MUC5B: variants seen among roughly 807,000 people sequenced by gnomAD.
MUC5B encodes the protein mucin 5B, oligomeric mucus/gel-forming.
MUC5B carries 116 observed loss-of-function variants against 376.9 expected under a neutral mutation model. That is an observed-to-expected ratio of 0.31 (90% CI 0.26 to 0.36). The LOEUF is 0.36. Among genes scored for constraint, MUC5B ranks in the 10% least tolerant of loss-of-function variants. MUC5B has a pLI of 1.00. For missense variants in MUC5B, 7,165 were observed against 7,769.9 expected, an observed-to-expected ratio of 0.92 and a Z score of 2.93; for synonymous variants, 3,517 against 3,390.9, an observed-to-expected ratio of 1.04 and a Z score of -1.29.
intron 2 of MUC5B, 94 bp downstream of exon 2, chr11:1,225,831 T>C (rs1315814736): frequency 4.0e-6 from 5 of 1,247,068 alleles, no homozygotes; most frequent in African/African-American, 1.5e-5. Flanking sequence ...CAAGCAGCCA[T>C]GCGTCTGACA....
intron 7 of MUC5B, among the ~76,000 whole-genome samples, chr11:1,228,362 G>C (rs571569414): frequency 4.6e-5 from 7 of 152,328 alleles, no homozygotes; most frequent in Middle Eastern, 6.8e-3. Flanking sequence ...ATCCGGAGTA[G>C]GGGATCCCCG....
Position 1,246,926 on chromosome 11 carries a change from C to G in MUC5B, c.10046C>G (p.Pro3349Arg). 1.9e-6 allele frequency: 3 copies of G among 1,610,464 alleles called. No individual in the cohort carries two copies. In the South Asian group the frequency reaches 3.3e-5, roughly 18 times the overall value. ...TPTTRGSTVTPSSIPGTTHTA... is the reference protein window; with the variant it reads ...TPTTRGSTVTRSSIPGTTHTA... ...ACAACCAGAGGCTCCACGGTGACCC[C>G]CTCCTCCATCCCGGGGACCACCCAC... Residue 3349 changes from proline to arginine, a missense_variant, in exon 31 of 49, where the codon CCC (proline) becomes CGC (arginine). Physicochemically the swap from Pro to Arg is moderately radical, Grantham distance 103. Transcript: ENST00000529681.
chr11:1,244,725 C>A lies in MUC5B; in HGVS notation c.7845C>A (p.Gly2615=), dbSNP rs1221599588. The A allele has an allele frequency of 6.2e-7, 1 of 1,609,726 alleles. No individual in the cohort carries two copies. Among genetic ancestry groups the A allele is most frequent in the Non-Finnish European group, 8.5e-7 (1 of 1,177,084 alleles). ...AAGTGCTGACTACCACAACCACGGG[C>A]TTCACAGCCACCCCCTCCTCCAGCC... ...TTKVLTTTTT[G]FTATPSSSPG... Residue 2615 remains glycine, a synonymous_variant, in exon 31 of 49, where the codon GGC becomes GGA. Coordinates refer to ENST00000529681, the MANE Select transcript of MUC5B (RefSeq NM_002458.3).
intron 29 of MUC5B, 24 bp from the exon 30 acceptor site, chr11:1,240,154 T>G (rs1590175793): frequency 5.1e-6 from 8 of 1,579,156 alleles, no homozygotes; most frequent in East Asian, 2.3e-5. Context: ...AGGCCCTGGG[T>G]GACTCTGCCG....
In MUC5B at chr11:1,250,463, C is replaced by G; in HGVS notation, c.13583C>G (p.Ser4528Cys). 1 of 1,595,026 alleles carries G rather than the reference C, an allele frequency of 6.3e-7. No homozygotes were observed. The highest frequency in any genetic ancestry group is 8.6e-7 in the Non-Finnish European group (1 of 1,163,948). ...ACCAGCTTTACAGCCATCCCCTCCT[C>G]CTCCCTGGGCACCACCTGGACCCGC... ...TATSFTAIPS[S>C]SLGTTWTRLS... Residue 4528 changes from serine to cysteine, a missense_variant, in exon 31 of 49, where the codon TCC (serine) becomes TGC (cysteine). By Grantham distance (112) the Ser-to-Cys change is moderately radical (BLOSUM62 -1). Coordinates refer to ENST00000529681, the MANE Select transcript of MUC5B (RefSeq NM_002458.3).
rs188405728 is a variant in MUC5B at position 1,258,736 on chromosome 11, G to T, written c.16594-206G>T. 3.1e-3 allele frequency among the ~76,000 whole-genome samples: 478 copies of T among 152,128 alleles called. 6 individuals are homozygous for T. Among genetic ancestry groups the T allele is most frequent in the African/African-American group, 0.011 (466 of 41,490 alleles). ...CCACCCAGATTCCTGCCCACATGGGGTCTCTGCCTGCCCAGATTCCCTGCC... is the reference window on the plus strand; with the variant it reads ...CCACCCAGATTCCTGCCCACATGGGTTCTCTGCCTGCCCAGATTCCCTGCC... On this transcript the variant is annotated intron_variant, in intron 43 of 48. Transcript: ENST00000529681. This position sits in a 1 kb window ranked among gnomAD's most constrained non-coding sequence, Gnocchi z 5.5.
At chr11:1,231,295 C>A in intron 13 of MUC5B, 128 bp from the exon 14 acceptor site, 1 of 1,195,386 alleles carries the variant, frequency 8.4e-7, no homozygotes, top group Non-Finnish European at 1.1e-6. Context: ...CTGAGGGCTC[C>A]TGGCCACTCC....
Position 1,253,462 on chromosome 11 carries a change from C to T in MUC5B, c.15217+482C>T, listed in dbSNP as rs1281999883. Among the ~76,000 whole-genome samples the T allele has an allele frequency of 1.3e-5, 2 of 152,074 alleles. No individual in the cohort carries two copies. The highest frequency in any genetic ancestry group is 2.4e-5 in the African/African-American group (1 of 41,388). ...GGGTCCTAACAGCGGCTTCCATCAC[C>T]GTGCGGGACCCACCGCTAAGAGGTC... is the stretch of plus-strand genomic sequence containing the variant. On this transcript the variant is annotated intron_variant, in intron 33 of 48. Transcript: ENST00000529681. The surrounding 1 kb of genome is among the most constrained non-coding windows in gnomAD (Gnocchi z 4.3).
rs371781238 is a variant in MUC5B at position 1,246,631 on chromosome 11, C to T, written c.9751C>T (p.Arg3251Cys). 29 of 1,612,768 alleles carry T rather than the reference C, an allele frequency of 1.8e-5. No homozygotes were observed. The African/African-American group carries it at 1.9e-4, about 10-fold the overall frequency. Residue 3251 changes from arginine (R) to cysteine (C), a missense_variant, in exon 31 of 49, where the codon CGC becomes TGC. By Grantham distance (180) the Arg-to-Cys change is radical. Transcript: ENST00000529681. The stretch of plus-strand genomic sequence containing the variant: ...TTCCTCCCTGGGCACCGCCTGGACC[C>T]GCCTATCACAGACCACCACACCCAC... ...PSSSLGTAWT[R>C]LSQTTTPTAT...
In MUC5B at chr11:1,245,022, T is replaced by C. The variant is rs377735149; in HGVS notation, c.8142T>C (p.Pro2714=). 64,553 of 1,503,142 alleles carry C rather than the reference T, an allele frequency of 0.043. 2,423 individuals are homozygous for C. The highest frequency in any genetic ancestry group is 0.048 in the Non-Finnish European group (53,612 of 1,115,360). 93.1% of individuals were successfully genotyped at this position (1,503,142 alleles called of 1,614,324 possible). ...CCTCCTCAACTCCAGGGACAACACC[T>C]ATCCCCCCAGTGCTGACCACCACCG... ...TNPSSTPGTT[P]IPPVLTTTAT... The change falls in exon 31 of 49, where the codon CCT becomes CCC. Residue 2714 remains proline (P), a synonymous_variant. Transcript: ENST00000529681.
In MUC5B at chr11:1,247,587, G is replaced by C. The variant is rs371429351; in HGVS notation, c.10707G>C (p.Thr3569=). The change falls in exon 31 of 49, where the codon ACG becomes ACC. Residue 3569 remains threonine, a synonymous_variant. Transcript: ENST00000529681. The part of the protein sequence containing the change: ...TSAPITTVVT[T]GCEPQCAWSE... ...CCCCCATAACCACGGTGGTGACCACGGGCTGTGAGCCCCAGTGTGCCTGGT... is the reference window on the plus strand; with the variant it reads ...CCCCCATAACCACGGTGGTGACCACCGGCTGTGAGCCCCAGTGTGCCTGGT... 5 of 1,610,632 alleles carry C rather than the reference G, an allele frequency of 3.1e-6. No homozygotes were observed. In the African/African-American group the frequency reaches 5.4e-5, roughly 17 times the overall value.
In MUC5B at chr11:1,243,288, G is replaced by C. The variant is rs962496525; in HGVS notation, c.6408G>C (p.Thr2136=). ...GTACTCCCCCATCACTGACCACCAC[G>C]GCCACTACGATCACGGCCACCGGCT... ...TSGTPPSLTT[T]ATTITATGST... The change falls in exon 31 of 49, where the codon ACG becomes ACC. Residue 2136 remains threonine, a synonymous_variant. Transcript: ENST00000529681. 6.4e-7 allele frequency: 1 copy of C among 1,555,856 alleles called. No homozygotes were observed. Among genetic ancestry groups the C allele is most frequent in the Non-Finnish European group, 8.7e-7 (1 of 1,149,946 alleles).
chr11:1,224,347 G>A (rs1361385544), intron 1 of MUC5B, among the ~76,000 whole-genome samples: 1 of 152,142 alleles, frequency 6.6e-6, no homozygotes, highest in Non-Finnish European at 1.5e-5. Context: ...AAGTGATGGG[G>A]TGGCTGGTGG....
In MUC5B at chr11:1,261,443, G is replaced by A; in HGVS notation, c.17124G>A (p.Arg5708=). The change falls in exon 49 of 49, where the codon AGG becomes AGA. Residue 5708 remains arginine, a synonymous_variant. Coordinates refer to ENST00000529681, the MANE Select transcript of MUC5B (RefSeq NM_002458.3). The part of the protein sequence containing the change: ...MQHQCTCCQE[R]RVHEETVPLH... ...ACCAGTGCACCTGCTGCCAGGAGAG[G>A]CGGGTCCACGAGGAGACGGTGCCCT... 1 of 1,547,038 alleles carries A rather than the reference G, an allele frequency of 6.5e-7. No individual in the cohort carries two copies. The highest frequency in any genetic ancestry group is 8.7e-7 in the Non-Finnish European group (1 of 1,147,204).
In MUC5B at chr11:1,226,234, G is replaced by T. The variant is rs763022013; in HGVS notation, c.157G>T (p.Val53Leu). The T allele has an allele frequency of 1.9e-6, 3 of 1,556,194 alleles. No homozygotes were observed. Among genetic ancestry groups the T allele is most frequent in the Non-Finnish European group, 2.6e-6 (3 of 1,151,784 alleles). The change falls in exon 3 of 49, where the codon GTG (valine) becomes TTG (leucine). Residue 53 changes from valine to leucine, a missense_variant. By Grantham distance (32) the Val-to-Leu change is conservative. Around this residue, in one of 31 missense-constraint regions of MUC5B, gnomAD observed 640 missense variants for 733.0 expected, o/e 0.87. Coordinates refer to ENST00000529681, the MANE Select transcript of MUC5B (RefSeq NM_002458.3). ...CCCGACGTCCTCGCCCACCCGGCGC[G>T]TGAGCTTTGTTCCACCCGTCACTGT... ...GAPTSSPTRR[V>L]SFVPPVTVFP...
Position 1,249,620 on chromosome 11 carries a change from C to A in MUC5B, c.12740C>A (p.Thr4247Asn), listed in dbSNP as rs765690647. Residue 4247 changes from threonine (T) to asparagine (N), a missense_variant, in exon 31 of 49, where the codon ACC becomes AAC. Transcript: ENST00000529681. ...ATGCCCTCCTCCACTCCGGGGACGACCTGGATCCTCACAGAGCTGACCACA... is the reference window on the plus strand; with the variant it reads ...ATGCCCTCCTCCACTCCGGGGACGAACTGGATCCTCACAGAGCTGACCACA... ...TAMPSSTPGT[T>N]WILTELTTTA... 6.2e-7 allele frequency: 1 copy of A among 1,611,872 alleles called. No homozygotes were observed. The highest frequency in any genetic ancestry group is 8.5e-7 in the Non-Finnish European group (1 of 1,178,786).
At position 1,241,729 on chromosome 11, in the gene MUC5B, G is replaced by A; in HGVS notation, c.4849G>A (p.Glu1617Lys). 1 of 1,612,326 alleles carries A rather than the reference G, an allele frequency of 6.2e-7. No homozygotes were observed. The highest frequency in any genetic ancestry group is 8.5e-7 in the Non-Finnish European group (1 of 1,179,626). The change falls in exon 31 of 49, where the codon GAG (glutamate) becomes AAG (lysine). Residue 1617 changes from glutamate to lysine, a missense_variant. By Grantham distance (56) the Glu-to-Lys change is moderately conservative. This residue lies in a region of MUC5B where 897 missense variants were observed against 779.6 expected (regional missense o/e 1.15). Transcript: ENST00000529681. ...ATTPPPTTEL[E>K]TATTTTTQAL... is the part of the protein sequence containing the mutation. ...AACCCCGCCACCGACCACAGAGCTG[G>A]AGACGGCCACCACCACCACCACCCA...
At chr11:1,252,590 G>C (rs1223328132) in intron 32 of MUC5B, 66 bp downstream of exon 32, 1 of 1,444,844 alleles carries the variant, frequency 6.9e-7, no homozygotes, top group African/African-American at 1.4e-5. Flanking sequence ...TGGAGGCACA[G>C]CCACAGTCCA....
At chr11:1,230,682 C>G in intron 12 of MUC5B, 82 bp downstream of exon 12, 1 of 1,317,822 alleles carries the variant, frequency 7.6e-7, no homozygotes, top group Non-Finnish European at 1.0e-6. Context: ...TCAGGTCCCC[C>G]TCCAGCCCCG....
Sources: allele counts gnomAD v4.1 joint callset (sites outside exome capture counted in the v4.1 genomes callset), GRCh38; gene constraint gnomAD v4.1.1; regional missense constraint gnomAD v4.1.1; non-coding constraint Gnocchi (gnomAD v3.1); transcripts MANE v1.5; gene names NCBI Gene and HGNC (gene_info 2026-07-23, HGNC 2026-07-21).